ATOSA: variants seen among roughly 807,000 people sequenced by gnomAD.
ATOSA encodes atos homolog protein A.
chr15:52,663,386 CT>C, the ATOSA span, among the ~76,000 whole-genome samples: 142 of 152,272 alleles, frequency 9.3e-4, no homozygotes, highest in African/African-American at 3.2e-3. Flanking sequence ...CTGCATTATA[CT>C]TATCTTCTTT....
At chr15:52,678,625 A>C in the ATOSA span, 1 of 153,614 alleles carries the variant, frequency 6.5e-6, no homozygotes, top group African/African-American at 2.4e-5. Context: ...CCAAGTTTAC[A>C]CAGAAACCCG....
chr15:52,605,652 A>G, the ATOSA span, among the ~76,000 whole-genome samples: 1 of 152,158 alleles, frequency 6.6e-6, no homozygotes, highest in African/African-American at 2.4e-5. Context: ...CAATTGGAAA[A>G]CAATGTCTAA....
At chr15:52,693,625 T>G in the ATOSA span, among the ~76,000 whole-genome samples, 1 of 152,104 alleles carries the variant, frequency 6.6e-6, no homozygotes, top group Non-Finnish European at 1.5e-5. Context: ...ATTAAAGACC[T>G]GTGAAAAATG....
At chr15:52,645,422 C>T in the ATOSA span, among the ~76,000 whole-genome samples, 14 of 150,656 alleles carry the variant, frequency 9.3e-5, no homozygotes, top group African/African-American at 2.7e-4. Flanking sequence ...CCAGCCTGGG[C>T]GACAAAGCAA....
chr15:52,587,049 T>C, the ATOSA span: 4 of 1,584,772 alleles, frequency 2.5e-6, no homozygotes, highest in Non-Finnish European at 3.4e-6. Flanking sequence ...GCCCCACTGT[T>C]ACTTACCAAA....
the ATOSA span, among the ~76,000 whole-genome samples, chr15:52,636,677 G>A: frequency 1.3e-4 from 20 of 152,248 alleles, no homozygotes; most frequent in African/African-American, 3.9e-4. Context: ...CCAGTCTATC[G>A]TATTTTGTTA....
chr15:52,626,569 G>GT, the ATOSA span, among the ~76,000 whole-genome samples: 3,153 of 151,464 alleles, frequency 0.021, 88 homozygotes, highest in African/African-American at 0.065. Context: ...CCAAGAGTTG[G>GT]TTTTTTTGTG....
chr15:52,611,525 G>T, the ATOSA span: 2 of 1,564,972 alleles, frequency 1.3e-6, no homozygotes, highest in Non-Finnish European at 1.7e-6. Flanking sequence ...AAGAAGTAAT[G>T]GAAAACTTGA....
the ATOSA span, chr15:52,582,292 T>C: frequency 1.3e-6 from 2 of 1,578,720 alleles, no homozygotes; most frequent in East Asian, 4.6e-5. Context: ...TCTTTCCAGA[T>C]TTAGAACTCT....
the ATOSA span, chr15:52,609,175 T>C: frequency 2.5e-6 from 4 of 1,613,428 alleles, no homozygotes; most frequent in African/African-American, 2.7e-5. Flanking sequence ...TCTTGTTTGA[T>C]GTTTCAAAGA....
chr15:52,698,403 T>C, the ATOSA span, among the ~76,000 whole-genome samples: 1 of 152,194 alleles, frequency 6.6e-6, no homozygotes, highest in African/African-American at 2.4e-5. Context: ...ATTCCATTCT[T>C]TATACTTAAA....
At chr15:52,679,842 C>CG in the ATOSA span, among the ~76,000 whole-genome samples, 1 of 136,270 alleles carries the variant, frequency 7.3e-6, no homozygotes, top group Non-Finnish European at 1.6e-5. Context: ...CTCCTCCTCC[C>CG]GGGATGCTGG....
the ATOSA span, among the ~76,000 whole-genome samples, chr15:52,584,090 G>GAAAAA: frequency 6.2e-4 from 26 of 41,852 alleles, no homozygotes; most frequent in African/African-American, 1.2e-3. Context: ...GTCTCAAGAA[G>GAAAAA]AAAAAAAAAA....
the ATOSA span, among the ~76,000 whole-genome samples, chr15:52,662,486 T>C: frequency 6.6e-6 from 1 of 152,086 alleles, no homozygotes; most frequent in African/African-American, 2.4e-5. Flanking sequence ...ACAACAGACA[T>C]AGGGCCGGGC....
At chr15:52,661,457 T>C in the ATOSA span, among the ~76,000 whole-genome samples, 1 of 152,126 alleles carries the variant, frequency 6.6e-6, no homozygotes, top group Non-Finnish European at 1.5e-5. Flanking sequence ...GTTGGACAGG[T>C]TGCTTTTCTC....
At chr15:52,586,201 T>A in the ATOSA span, 1 of 152,210 alleles carries the variant, frequency 6.6e-6, no homozygotes, top group Non-Finnish European at 1.5e-5. Context: ...ACTTGTGGTA[T>A]TCTTGTGGTA....
At chr15:52,675,452 T>G in the ATOSA span, among the ~76,000 whole-genome samples, 1 of 152,210 alleles carries the variant, frequency 6.6e-6, no homozygotes, top group African/African-American at 2.4e-5. Context: ...CACCCAATCA[T>G]GTACGATAAG....
the ATOSA span, among the ~76,000 whole-genome samples, chr15:52,681,555 C>T: frequency 1.3e-5 from 2 of 152,184 alleles, no homozygotes; most frequent in Non-Finnish European, 2.9e-5. Context: ...TGGCAATTCA[C>T]TCTAAGGTGC....
At chr15:52,618,512 A>G in the ATOSA span, among the ~76,000 whole-genome samples, 2 of 152,160 alleles carry the variant, frequency 1.3e-5, no homozygotes, top group Non-Finnish European at 2.9e-5. Context: ...GGAAAGTGCA[A>G]TGAGAGAGTG....
Sources: gnomAD v4.1 joint callset for allele counts (sites outside exome capture counted in the v4.1 genomes callset) on GRCh38, gnomAD v4.1.1 for gene constraint, MANE v1.5 for transcripts, NCBI Gene and HGNC (gene_info 2026-07-23, HGNC 2026-07-21) for gene names.